Variants in TOPAZ1 observed in about 807,000 individuals in gnomAD.
TOPAZ1 encodes the protein protein TOPAZ1.
In TOPAZ1, 66 loss-of-function variants were observed where a neutral mutation model predicts 172.2. The ratio of observed to expected loss-of-function variants is 0.38; its 90% confidence interval spans 0.31 to 0.47. The LOEUF (loss-of-function observed/expected upper bound fraction) is 0.47, where lower values mean the gene tolerates loss of function less well. Among genes scored for constraint, TOPAZ1 ranks in the 20% least tolerant of loss-of-function variants. The probability of loss-of-function intolerance (pLI) is 0.99; values close to 1 mark genes in which losing one functional copy is unlikely to be tolerated. For missense variants in TOPAZ1, 1,822 were observed against 1,972.4 expected, an observed-to-expected ratio of 0.92 and a Z score of 1.44; for synonymous variants, 681 against 683.9, an observed-to-expected ratio of 1.00 and a Z score of 0.07.
chr3:44,292,720 G>A (rs1405501575), intron 12 of TOPAZ1, among the ~76,000 whole-genome samples: 1 of 152,084 alleles, frequency 6.6e-6, no homozygotes, highest in Non-Finnish European at 1.5e-5. Context: ...ACATGTATAC[G>A]ATGTATAATG....
chr3:44,255,976 G>A (rs1699698534), intron 3 of TOPAZ1, among the ~76,000 whole-genome samples, 175 bp from the exon 4 acceptor site: 1 of 151,548 alleles, frequency 6.6e-6, no homozygotes, highest in Admixed American at 6.6e-5. Flanking sequence ...TAATATAATG[G>A]AGTTATTTTG....
At chr3:44,256,346 T>C in intron 4 of TOPAZ1, 68 bp downstream of exon 4, 1 of 1,420,194 alleles carries the variant, frequency 7.0e-7, no homozygotes, top group Non-Finnish European at 9.3e-7. Context: ...AAATCCATCT[T>C]AACAGTGCTA....
At chr3:44,296,776 A>T (rs1277589704) in intron 12 of TOPAZ1, among the ~76,000 whole-genome samples, 1 of 150,798 alleles carries the variant, frequency 6.6e-6, no homozygotes, top group Non-Finnish European at 1.5e-5. Flanking sequence ...TGCAGAAAAC[A>T]TGAGGGAACA....
At chr3:44,242,446 C>T (rs1699496391) in intron 1 of TOPAZ1, 47 bp downstream of exon 1, 12 of 1,525,672 alleles carry the variant, frequency 7.9e-6, no homozygotes, top group African/African-American at 4.1e-5. Context: ...TGTACCTCAG[C>T]GTGCTCCATC....
chr3:44,299,397 A>G (rs1335639461), intron 12 of TOPAZ1, among the ~76,000 whole-genome samples: 4 of 152,096 alleles, frequency 2.6e-5, no homozygotes, highest in Non-Finnish European at 5.9e-5. Context: ...CAAAACCACA[A>G]TGAGATACCA....
Position 44,244,123 on chromosome 3 carries a change from C to G in TOPAZ1, c.1617C>G (p.Thr539=), listed in dbSNP as rs1699527909. The G allele has an allele frequency of 1.9e-6, 3 of 1,551,460 alleles. No homozygotes were observed. The highest frequency in any genetic ancestry group is 2.6e-6 in the Non-Finnish European group (3 of 1,146,846). Residue 539 remains threonine, a synonymous_variant, in exon 2 of 20, where the codon ACC becomes ACG. Coordinates refer to ENST00000309765, the MANE Select transcript of TOPAZ1 (RefSeq NM_001145030.2). ...TCCCTAAACACCAAACAAACCAGAC[C>G]CATTTAACTGACTCCAAATTATTAT... is the stretch of plus-strand genomic sequence containing the variant. ...VDVPKHQTNQ[T]HLTDSKLLLQ...
chr3:44,319,629 C>G (rs1238907632), intron 16 of TOPAZ1, among the ~76,000 whole-genome samples: 1 of 152,114 alleles, frequency 6.6e-6, no homozygotes, highest in African/African-American at 2.4e-5. Flanking sequence ...ACATTTCTCT[C>G]TATATTAAAA....
chr3:44,319,051 C>T (rs544016674), intron 16 of TOPAZ1, among the ~76,000 whole-genome samples: 10 of 151,936 alleles, frequency 6.6e-5, no homozygotes, highest in Admixed American at 6.6e-4. Context: ...GATGTGCCAC[C>T]AGGGACCATT....
intron 8 of TOPAZ1, among the ~76,000 whole-genome samples, chr3:44,274,807 G>A (rs1393687234): frequency 6.6e-6 from 1 of 152,094 alleles, no homozygotes; most frequent in Non-Finnish European, 1.5e-5. Flanking sequence ...GCCTGCCTCA[G>A]CCTCCCAAAG....
At chr3:44,330,978 CTTG>C (rs943278847) in intron 19 of TOPAZ1, among the ~76,000 whole-genome samples, 1 of 152,188 alleles carries the variant, frequency 6.6e-6, no homozygotes, top group African/African-American at 2.4e-5. Context: ...AGCTATACAA[CTTG>C]TTACCAAATA....
rs1482832511 is a variant in TOPAZ1 at position 44,256,154 on chromosome 3, G to T, written c.2831G>T (p.Ser944Ile). The change falls in exon 4 of 20, where the codon AGT (serine) becomes ATT (isoleucine). Residue 944 changes from serine to isoleucine, a missense_variant. Coordinates refer to ENST00000309765, the MANE Select transcript of TOPAZ1 (RefSeq NM_001145030.2). ...PDICASNSAESEIKRDPKDVN... is the reference protein window; with the variant it reads ...PDICASNSAEIEIKRDPKDVN... ...GTTGAATATTATTTCTTTTCAGAAAGTGAAATAAAACGTGATCCCAAAGAT... is the reference window on the plus strand; with the variant it reads ...GTTGAATATTATTTCTTTTCAGAAATTGAAATAAAACGTGATCCCAAAGAT... 1 of 1,501,024 alleles carries T rather than the reference G, an allele frequency of 6.7e-7. No individual in the cohort carries two copies. The highest frequency in any genetic ancestry group is 8.8e-7 in the Non-Finnish European group (1 of 1,130,704). The allele number at this position is 1,501,024 out of a possible 1,614,324, so 93.0% of individuals were successfully genotyped here.
intron 16 of TOPAZ1, among the ~76,000 whole-genome samples, chr3:44,320,152 G>T (rs1440670941): frequency 6.6e-6 from 1 of 152,100 alleles, no homozygotes; most frequent in Non-Finnish European, 1.5e-5. Context: ...TTTAAAGAGG[G>T]TCTGAGGTCT....
chr3:44,313,167 C>T (rs946632682), intron 16 of TOPAZ1, among the ~76,000 whole-genome samples: 3 of 152,138 alleles, frequency 2.0e-5, no homozygotes, highest in African/African-American at 7.2e-5. Context: ...ACGATAATTC[C>T]TGCTAAACGT....
At position 44,244,597 on chromosome 3, in the gene TOPAZ1, AAAAAG is replaced by A. The variant is rs1699537242; in HGVS notation, c.2099_2103del (p.Lys700SerfsTer31). 3.2e-6 allele frequency: 5 copies of A among 1,550,640 alleles called. No homozygotes were observed. Among genetic ancestry groups the A allele is most frequent in the Non-Finnish European group, 3.5e-6 (4 of 1,146,756 alleles). ...TTCCTTTACTTAAGAATAAATCAGA[AAAAAG>A]AAAAGAAGTAAATGCCAAGTCATCA... is the stretch of plus-strand genomic sequence containing the variant. On this transcript the variant is annotated frameshift_variant, in exon 2 of 20. Coordinates refer to ENST00000309765, the MANE Select transcript of TOPAZ1 (RefSeq NM_001145030.2). LOFTEE classifies it high-confidence loss of function.
chr3:44,249,221 G>T (rs1049086249), intron 2 of TOPAZ1, among the ~76,000 whole-genome samples: 6 of 149,030 alleles, frequency 4.0e-5, no homozygotes, highest in Non-Finnish European at 8.9e-5. Flanking sequence ...AAATTCAGGG[G>T]AATTACTATA....
intron 2 of TOPAZ1, among the ~76,000 whole-genome samples, chr3:44,247,580 CATT>C (rs1443340179): frequency 1.3e-5 from 2 of 152,178 alleles, no homozygotes; most frequent in Non-Finnish European, 2.9e-5. Flanking sequence ...CAATGATTCT[CATT>C]ATTAGTACTC....
chr3:44,255,662 A>AAATAT lies in TOPAZ1; in HGVS notation c.2828-488_2828-487insATATA, dbSNP rs1244611647. Among the ~76,000 whole-genome samples, 154 of 79,996 alleles carry AAATAT rather than the reference A, an allele frequency of 1.9e-3. 4 individuals are homozygous for AAATAT. Among genetic ancestry groups the AAATAT allele is most frequent in the African/African-American group, 8.1e-3 (140 of 17,354 alleles). The allele number at this position is 79,996 out of a possible 152,430, so 52.5% of individuals were successfully genotyped here. A position where few individuals can be genotyped will look rare whatever the true frequency, so the allele number is the denominator to read the frequency against. ...GCGAGACTCTGTCTCAAAAAAAAAAAATATATATACACACACACACACACA... is the reference window on the plus strand; with the variant it reads ...GCGAGACTCTGTCTCAAAAAAAAAAAAATATATATATATACACACACACACACACA... On this transcript the variant is annotated intron_variant, in intron 3 of 19. Coordinates refer to ENST00000309765, the MANE Select transcript of TOPAZ1 (RefSeq NM_001145030.2).
chr3:44,305,054 G>C, intron 13 of TOPAZ1, 93 bp from the exon 14 acceptor site: 4 of 882,522 alleles, frequency 4.5e-6, no homozygotes, highest in Non-Finnish European at 6.7e-6. Context: ...TATATCTAAT[G>C]CCTAAACATG....
chr3:44,260,563 A>AAT (rs1179780789), intron 4 of TOPAZ1, among the ~76,000 whole-genome samples: 1 of 152,018 alleles, frequency 6.6e-6, no homozygotes, highest in Non-Finnish European at 1.5e-5. Flanking sequence ...TAGGGGAAGG[A>AAT]ATATAGAAAC....
Sources: allele counts gnomAD v4.1 joint callset (sites outside exome capture counted in the v4.1 genomes callset), GRCh38; gene constraint gnomAD v4.1.1; transcripts MANE v1.5; gene names NCBI Gene and HGNC (gene_info 2026-07-23, HGNC 2026-07-21).